The following ARHGAP28 variants were observed in gnomAD, a reference collection of about 807,000 sequenced individuals.
The protein encoded by ARHGAP28 is Rho GTPase activating protein 28.
In ARHGAP28, 56 loss-of-function variants were observed where a neutral mutation model predicts 90.7. The ratio of observed to expected loss-of-function variants is 0.62; its 90% CI spans 0.50 to 0.77. The LOEUF (loss-of-function observed/expected upper bound fraction) is 0.77. Among genes scored for constraint, ARHGAP28 ranks in the 30% least tolerant of loss-of-function variants. The pLI is 0.00. For synonymous variants in ARHGAP28, 308 were observed against 323.3 expected (o/e 0.95, Z 0.51); for missense variants, 869 against 900.9 (o/e 0.96, Z 0.45).
intron 1 of ARHGAP28, among the ~76,000 whole-genome samples, chr18:6,782,532 G>A (rs568517750): frequency 6.2e-5 from 9 of 145,314 alleles, no homozygotes; most frequent in South Asian, 2.2e-4. Context: ...ATTCTCATGC[G>A]TCAGCTTCCT....
intron 1 of ARHGAP28, among the ~76,000 whole-genome samples, chr18:6,757,106 G>T (rs563017349): frequency 1.3e-5 from 2 of 152,254 alleles, no homozygotes; most frequent in South Asian, 4.1e-4. Context: ...TGACAGTAAA[G>T]AGCATTACTT....
intron 1 of ARHGAP28, among the ~76,000 whole-genome samples, chr18:6,738,920 C>G (rs1376904051): frequency 1.3e-5 from 2 of 152,144 alleles, no homozygotes; most frequent in Admixed American, 1.3e-4. Context: ...ATCAGTCATG[C>G]CCTAATCATG....
At chr18:6,890,854 A>C (rs2057259886) in intron 14 of ARHGAP28, among the ~76,000 whole-genome samples, 1 of 152,254 alleles carries the variant, frequency 6.6e-6, no homozygotes, top group Non-Finnish European at 1.5e-5. Flanking sequence ...GTCCCTGTCA[A>C]CTTGATTTAA....
In ARHGAP28 at chr18:6,898,504, A is replaced by G; in HGVS notation, c.2030+1878A>G. 1.9e-6 allele frequency: 3 copies of G among 1,614,164 alleles called. 1 individual carries two copies. Among genetic ancestry groups the G allele is most frequent in the South Asian group, 2.2e-5 (2 of 91,088 alleles). ...AAATGGGTTAAAAAAGAAAGAGAAG[A>G]GTCGACAGAGACCAACAGGAGCCCC... On this transcript the variant is annotated intron_variant, in intron 16 of 17. Coordinates refer to ENST00000383472, the MANE Select transcript of ARHGAP28 (RefSeq NM_001366230.1).
rs768115070 is a variant in ARHGAP28, at chr18:6,872,992, G to GAA, written c.955-408_955-407dup. Among the ~76,000 whole-genome samples the GAA allele has an allele frequency of 6.1e-5, 9 of 148,038 alleles. No individual in the cohort carries two copies. In the East Asian group the frequency reaches 7.9e-4, roughly 13 times the overall value. On this transcript the variant is annotated intron_variant, in intron 7 of 17. Transcript: ENST00000383472. ...ATTTAAAGATTGACTGCCCAAGAAG[G>GAA]AAAAAAAAAACATATGTTTAGAGCT...
At chr18:6,841,182 T>TCTCTCTCTCCTCTCTCTCTCTC (rs2056815280) in intron 3 of ARHGAP28, among the ~76,000 whole-genome samples, 1 of 44,234 alleles carries the variant, frequency 2.3e-5, no homozygotes, top group African/African-American at 1.5e-4. Context: ...CTCTCTCTCC[T>TCTCTCTCTCCTCTCTCTCTCTC]CTCTCTCTCT....
intron 1 of ARHGAP28, among the ~76,000 whole-genome samples, chr18:6,809,372 A>G (rs1176283159): frequency 6.6e-6 from 1 of 152,210 alleles, no homozygotes; most frequent in Non-Finnish European, 1.5e-5. Context: ...ATTTGCCCTT[A>G]CTAGAATGAA....
chr18:6,753,156 T>A (rs185458069), intron 1 of ARHGAP28, among the ~76,000 whole-genome samples: 1 of 152,246 alleles, frequency 6.6e-6, no homozygotes, highest in South Asian at 2.1e-4. Flanking sequence ...CAGTTTGAAA[T>A]GGTACCAATG....
chr18:6,798,433 A>C (rs1440211371), intron 1 of ARHGAP28, among the ~76,000 whole-genome samples: 2 of 152,142 alleles, frequency 1.3e-5, no homozygotes, highest in African/African-American at 4.8e-5. Context: ...ACCTCAGGTG[A>C]TCTGCCCGCC....
At chr18:6,887,955 ACT>A (rs1424396285) in intron 12 of ARHGAP28, among the ~76,000 whole-genome samples, 1 of 152,136 alleles carries the variant, frequency 6.6e-6, no homozygotes, top group Admixed American at 6.5e-5. Flanking sequence ...TGGAAAGAAA[ACT>A]CTGATGAGCG....
chr18:6,856,454 AC>A (rs2056954534), intron 4 of ARHGAP28, among the ~76,000 whole-genome samples: 1 of 152,220 alleles, frequency 6.6e-6, no homozygotes, highest in Admixed American at 6.5e-5. Context: ...AGTATAACTT[AC>A]AAACTGTAAG....
intron 5 of ARHGAP28, among the ~76,000 whole-genome samples, chr18:6,866,199 T>G (rs568889921): frequency 3.9e-5 from 6 of 152,198 alleles, no homozygotes; most frequent in African/African-American, 1.4e-4. Context: ...GTGCATTTGT[T>G]TGTCTTGCTC....
chr18:6,907,054 G>T lies in ARHGAP28; in HGVS notation c.2031-1906G>T, dbSNP rs190960285. ...CAAATGGCAAATATGCCCATGAAAA[G>T]ATGTTCAACATCGTTGGCCATTATG... On this transcript the variant is annotated intron_variant, in intron 16 of 17. Coordinates refer to ENST00000383472, the MANE Select transcript of ARHGAP28 (RefSeq NM_001366230.1). Among the ~76,000 whole-genome samples the T allele has an allele frequency of 9.9e-4, 150 of 152,250 alleles. 1 individual carries two copies. The highest frequency in any genetic ancestry group is 1.8e-3 in the Non-Finnish European group (121 of 68,026).
chr18:6,827,952 G>C (rs1220537388), intron 2 of ARHGAP28, among the ~76,000 whole-genome samples: 4 of 151,950 alleles, frequency 2.6e-5, no homozygotes, highest in Non-Finnish European at 5.9e-5. Flanking sequence ...ACGGGGTGGC[G>C]GCCGGGCAGA....
chr18:6,839,599 A>AG (rs2056788233), intron 3 of ARHGAP28, among the ~76,000 whole-genome samples: 1 of 152,078 alleles, frequency 6.6e-6, no homozygotes, highest in Non-Finnish European at 1.5e-5. Flanking sequence ...GCCCGGCCAT[A>AG]ATTTTTTTAG....
At chr18:6,859,380 T>C (rs1031639303) in intron 4 of ARHGAP28, among the ~76,000 whole-genome samples, 9 of 152,226 alleles carry the variant, frequency 5.9e-5, no homozygotes, top group Non-Finnish European at 1.2e-4. Flanking sequence ...AGCTCCAGGC[T>C]GTCGTCTGTG....
chr18:6,734,656 T>C (rs1279226203), intron 1 of ARHGAP28, among the ~76,000 whole-genome samples: 3 of 152,188 alleles, frequency 2.0e-5, no homozygotes, highest in African/African-American at 7.2e-5. Flanking sequence ...TATTGGTACT[T>C]TCCTGGACTG....
chr18:6,750,619 G>C (rs954853738), intron 1 of ARHGAP28, among the ~76,000 whole-genome samples: 1 of 152,226 alleles, frequency 6.6e-6, no homozygotes, highest in African/African-American at 2.4e-5. Context: ...GTATGGCCAG[G>C]GCCTTTGTGC....
intron 1 of ARHGAP28, among the ~76,000 whole-genome samples, chr18:6,778,071 A>G (rs1226631220): frequency 4.6e-5 from 7 of 152,200 alleles, no homozygotes; most frequent in Non-Finnish European, 4.4e-5. Flanking sequence ...CAATATTCTC[A>G]GAAGATTAAC....
Sources: gnomAD v4.1 joint callset for allele counts (sites outside exome capture counted in the v4.1 genomes callset) on GRCh38, gnomAD v4.1.1 for gene constraint, MANE v1.5 for transcripts, NCBI Gene and HGNC (gene_info 2026-07-23, HGNC 2026-07-21) for gene names.